AGMO: variants seen among roughly 807,000 people sequenced by gnomAD.
AGMO encodes the protein alkylglycerol monooxygenase.
Under a neutral mutation model 60.2 loss-of-function variants are expected in AGMO, and 75 were observed. The observed-to-expected ratio is 1.25, with a 90% CI of 1.03 to 1.51. AGMO has a LOEUF of 1.51. Ranked by LOEUF, AGMO falls within the 40% of genes most tolerant of loss-of-function variation. AGMO has a pLI of 0.00. For synonymous variants in AGMO, 261 were observed against 177.1 expected (o/e 1.47, Z -3.76); for missense variants, 763 against 525.5 (o/e 1.45, Z -4.42).
chr7:15,258,984 A>C (rs2128508927), intron 12 of AGMO, among the ~76,000 whole-genome samples: 1 of 152,258 alleles, frequency 6.6e-6, no homozygotes, highest in African/African-American at 2.4e-5. Flanking sequence ...AATTCTGGTA[A>C]TATGACAAAA....
At chr7:15,236,495 C>T (rs1351375542) in intron 12 of AGMO, among the ~76,000 whole-genome samples, 1 of 152,070 alleles carries the variant, frequency 6.6e-6, no homozygotes, top group African/African-American at 2.4e-5. Context: ...GAATTATCTA[C>T]ATCAGATGTT....
intron 12 of AGMO, among the ~76,000 whole-genome samples, chr7:15,233,517 T>G (rs1050500171): frequency 1.3e-5 from 2 of 151,326 alleles, no homozygotes; most frequent in East Asian, 3.9e-4. Flanking sequence ...AGAGGTGGAC[T>G]AGGGAGCTAT....
chr7:15,142,399 C>T, the AGMO span, among the ~76,000 whole-genome samples: 20 of 152,248 alleles, frequency 1.3e-4, no homozygotes, highest in African/African-American at 4.3e-4. Flanking sequence ...CTGTACAGCT[C>T]TGAAGAGGTT....
chr7:15,491,494 T>G (rs1296722031), intron 3 of AGMO, among the ~76,000 whole-genome samples: 1 of 152,208 alleles, frequency 6.6e-6, no homozygotes, highest in Non-Finnish European at 1.5e-5. Context: ...ACTTATTATG[T>G]GCCATACCAC....
At chr7:15,316,784 G>GTT (rs1384299680) in intron 12 of AGMO, among the ~76,000 whole-genome samples, 1 of 152,164 alleles carries the variant, frequency 6.6e-6, no homozygotes, top group East Asian at 1.9e-4. Flanking sequence ...ATATTTCAGT[G>GTT]TAACTGAATA....
intron 3 of AGMO, among the ~76,000 whole-genome samples, chr7:15,520,869 T>G (rs1190361788): frequency 1.3e-5 from 2 of 152,002 alleles, no homozygotes; most frequent in African/African-American, 4.8e-5. Context: ...CTGAAGGATA[T>G]AAAGACATGA....
the AGMO span, among the ~76,000 whole-genome samples, chr7:15,138,652 A>G: frequency 1.3e-5 from 2 of 152,212 alleles, no homozygotes; most frequent in African/African-American, 4.8e-5. Context: ...AGCAGAATAA[A>G]CCGTTTTCTA....
At chr7:15,441,702 A>G (rs1194454817) in intron 3 of AGMO, among the ~76,000 whole-genome samples, 1 of 152,122 alleles carries the variant, frequency 6.6e-6, no homozygotes, top group Non-Finnish European at 1.5e-5. Context: ...CTTCTACCAT[A>G]TTATATTTGG....
chr7:15,282,740 A>C (rs1448366170), intron 12 of AGMO, among the ~76,000 whole-genome samples: 1 of 152,010 alleles, frequency 6.6e-6, no homozygotes, highest in Non-Finnish European at 1.5e-5. Context: ...AGCTCAAACA[A>C]CTCCTAGGAG....
At chr7:15,207,562 C>T (rs1214435545) in intron 12 of AGMO, among the ~76,000 whole-genome samples, 3 of 152,168 alleles carry the variant, frequency 2.0e-5, no homozygotes, top group Non-Finnish European at 4.4e-5. Flanking sequence ...TCTGACCTAA[C>T]TTCTCAATTT....
intron 4 of AGMO, among the ~76,000 whole-genome samples, chr7:15,422,119 A>G (rs1780942887): frequency 6.6e-6 from 1 of 152,156 alleles, no homozygotes; most frequent in African/African-American, 2.4e-5. Flanking sequence ...GCAGTCCTCA[A>G]GTTCACAAAC....
At chr7:15,141,591 A>G in the AGMO span, among the ~76,000 whole-genome samples, 906 of 152,154 alleles carry the variant, frequency 6.0e-3, 8 homozygotes, top group African/African-American at 0.019. Flanking sequence ...GCCTCAAAAC[A>G]AACAAACAAA....
chr7:15,258,954 T>C (rs559730224), intron 12 of AGMO, among the ~76,000 whole-genome samples: 3 of 152,118 alleles, frequency 2.0e-5, no homozygotes, highest in African/African-American at 7.2e-5. Context: ...TCTACCTAAA[T>C]GAGAAGGAAC....
At chr7:15,294,078 G>C (rs993482463) in intron 12 of AGMO, among the ~76,000 whole-genome samples, 1 of 152,046 alleles carries the variant, frequency 6.6e-6, no homozygotes, top group Non-Finnish European at 1.5e-5. Context: ...AATTTTTGAA[G>C]TTCAAAACCT....
At chr7:15,494,767 A>G (rs1162602425) in intron 3 of AGMO, among the ~76,000 whole-genome samples, 3 of 152,380 alleles carry the variant, frequency 2.0e-5, no homozygotes, top group African/African-American at 7.2e-5. Flanking sequence ...TTGCACAAGC[A>G]TAGAAATACA....
intron 3 of AGMO, among the ~76,000 whole-genome samples, chr7:15,539,832 G>C (rs1784576303): frequency 6.6e-6 from 1 of 152,056 alleles, no homozygotes; most frequent in East Asian, 1.9e-4. Context: ...TAGTCATTCT[G>C]ACTAGTGTAA....
intron 3 of AGMO, among the ~76,000 whole-genome samples, chr7:15,451,917 CA>C (rs1391943542): frequency 3.9e-5 from 6 of 152,140 alleles, no homozygotes; most frequent in African/African-American, 1.4e-4. Flanking sequence ...ACGGTTTGAA[CA>C]CAACACTCAG....
intron 6 of AGMO, among the ~76,000 whole-genome samples, chr7:15,391,872 C>T (rs370999664): frequency 6.6e-5 from 10 of 152,008 alleles, no homozygotes; most frequent in Admixed American, 2.0e-4. Context: ...GGGCCAGTGA[C>T]GTTGCTAAAT....
intron 12 of AGMO, among the ~76,000 whole-genome samples, chr7:15,351,694 T>G: frequency 6.6e-6 from 1 of 152,248 alleles, no homozygotes; most frequent in East Asian, 1.9e-4. Context: ...CAATAGCAGC[T>G]ACTACATTTT....
Sources: allele counts gnomAD v4.1 joint callset (sites outside exome capture counted in the v4.1 genomes callset), GRCh38; gene constraint gnomAD v4.1.1; transcripts MANE v1.5; gene names NCBI Gene and HGNC (gene_info 2026-07-23, HGNC 2026-07-21).